The following ARMCX4 variants were observed in gnomAD, a reference collection of about 807,000 sequenced individuals.
ARMCX4 encodes the protein armadillo repeat-containing X-linked protein 4.
Under a neutral mutation model 34.7 loss-of-function variants are expected in ARMCX4, and 3 were observed. The ratio of observed to expected loss-of-function variants is 0.09; its 90% CI spans 0.04 to 0.22. ARMCX4 has a LOEUF of 0.22. Among genes scored for constraint, ARMCX4 ranks in the 10% least tolerant of loss-of-function variants. The pLI is 1.00. For missense variants in ARMCX4, 1,448 were observed against 1,720.8 expected (o/e 0.84, Z 2.81); for synonymous variants, 513 against 632.8 (o/e 0.81, Z 2.84).
At chrX:101,440,241 A>G (rs1243517450) in intron 2 of ARMCX4, among the ~76,000 whole-genome samples, 1 of 111,755 alleles carries the variant, frequency 8.9e-6, no homozygotes, top group African/African-American at 3.3e-5. Context: ...CTGGAGGTCC[A>G]CTCCAGACCC....
At chrX:101,532,991 G>A (rs1556022540) in intron 12 of ARMCX4, 1 of 109,762 alleles carries the variant, frequency 9.1e-6, no homozygotes, top group African/African-American at 3.3e-5. Context: ...GAAAGGAGTG[G>A]GCCATGGTGG....
intron 2 of ARMCX4, chrX:101,443,834 A>G (rs1006467143): frequency 4.7e-5 from 17 of 359,766 alleles, no homozygotes; most frequent in South Asian, 4.5e-4. Context: ...GGCAGTGCAG[A>G]TGAAAAACTA....
chrX:101,448,828 T>C (rs1313933658), downstream of ARMCX4, among the ~76,000 whole-genome samples: 1 of 110,364 alleles, frequency 9.1e-6, no homozygotes, highest in African/African-American at 3.3e-5. Flanking sequence ...CCTGACCTCG[T>C]GATCTGCCCA....
chrX:101,434,482 G>A (rs896615491), intron 2 of ARMCX4, among the ~76,000 whole-genome samples: 17 of 110,277 alleles, frequency 1.5e-4, no homozygotes, highest in Middle Eastern at 4.7e-3. Context: ...TCCTGACCTC[G>A]TGATCCGCCT....
At chrX:101,515,705 A>AT (rs1156867831) in intron 11 of ARMCX4, among the ~76,000 whole-genome samples, 3 of 105,538 alleles carry the variant, frequency 2.8e-5, no homozygotes, top group African/African-American at 1.0e-4. Flanking sequence ...CACCCAGCTA[A>AT]TTTTTTTGGT....
intron 2 of ARMCX4, among the ~76,000 whole-genome samples, chrX:101,433,030 A>G (rs1483016657): frequency 2.5e-5 from 2 of 81,225 alleles, no homozygotes; most frequent in Admixed American, 1.2e-4. Context: ...GTATACATAC[A>G]CGTGTATATA....
At chrX:101,436,436 C>T (rs782112321) in intron 2 of ARMCX4, among the ~76,000 whole-genome samples, 5 of 109,879 alleles carry the variant, frequency 4.6e-5, no homozygotes, top group African/African-American at 6.6e-5. Context: ...CATGATTTGG[C>T]TCTCTGTTTG....
At chrX:101,504,902 G>A (rs1934411960) in intron 7 of ARMCX4, 1 of 111,676 alleles carries the variant, frequency 9.0e-6, no homozygotes, top group Admixed American at 9.5e-5. Context: ...AATGGGGAGG[G>A]ATATTAACAT....
intron 11 of ARMCX4, among the ~76,000 whole-genome samples, chrX:101,523,679 G>A (rs1651005333): frequency 4.5e-5 from 5 of 111,663 alleles, no homozygotes; most frequent in Admixed American, 2.9e-4. Context: ...GTGTGGGCAG[G>A]TGGTTCAGTA....
At chrX:101,443,949 T>G (rs1931472019) in intron 2 of ARMCX4, 2 of 380,139 alleles carry the variant, frequency 5.3e-6, no homozygotes, top group Non-Finnish European at 1.0e-5. Flanking sequence ...TAGTTGGAAT[T>G]GCCATCAACT....
chrX:101,519,612 A>T (rs1304172421), intron 11 of ARMCX4, among the ~76,000 whole-genome samples: 1 of 111,910 alleles, frequency 8.9e-6, no homozygotes, highest in East Asian at 2.8e-4. Context: ...GACTACTGTG[A>T]ATAATGCTGC....
rs1449148334 is a variant in ARMCX4 at position 101,494,224 on chromosome X, G to C, written c.5635G>C (p.Ala1879Pro). 1.3e-5 allele frequency: 15 copies of C among 1,150,552 alleles called. No individual in the cohort carries two copies. Among genetic ancestry groups the C allele is most frequent in the Non-Finnish European group, 1.7e-5 (15 of 870,220 alleles). The allele number at this position is 1,150,552 out of a possible 1,213,427, so 94.8% of individuals were successfully genotyped here. Residue 1879 changes from alanine to proline, a missense_variant, in exon 6 of 6, where the codon GCT (alanine) becomes CCT (proline). This residue lies in a region of ARMCX4 where 1,343 missense variants were observed against 1,540.7 expected (regional missense o/e 0.87). Transcript: ENST00000423738. ...EEAGVESWTL[A>P]RNVGEDELSR... ...GGCTGGTGTAGAGTCCTGGACCTTGGCTAGGAATGTGGGAGAGGATGAGCT... is the reference window on the plus strand; with the variant it reads ...GGCTGGTGTAGAGTCCTGGACCTTGCCTAGGAATGTGGGAGAGGATGAGCT...
At chrX:101,464,049 C>T (rs369499493) in intron 4 of ARMCX4, among the ~76,000 whole-genome samples, 6 of 110,154 alleles carry the variant, frequency 5.4e-5, no homozygotes, top group Admixed American at 9.6e-5. Context: ...TGAGCCACCG[C>T]GCCCAGCCTA....
At chrX:101,480,347 C>A (rs1933395121) in intron 4 of ARMCX4, among the ~76,000 whole-genome samples, 1 of 110,676 alleles carries the variant, frequency 9.0e-6, no homozygotes, top group Non-Finnish European at 1.9e-5. Flanking sequence ...GTGGGAGGAT[C>A]TTTTGAGACC....
At chrX:101,435,850 C>G (rs1196533967) in intron 2 of ARMCX4, among the ~76,000 whole-genome samples, 1 of 110,926 alleles carries the variant, frequency 9.0e-6, no homozygotes, top group Non-Finnish European at 1.9e-5. Flanking sequence ...CCAGTTTCAG[C>G]TTTCTACATA....
chrX:101,420,202 T>TA (rs1417061817), intron 2 of ARMCX4, among the ~76,000 whole-genome samples: 2 of 110,962 alleles, frequency 1.8e-5, no homozygotes, highest in African/African-American at 6.6e-5. Flanking sequence ...CTACTAGAAA[T>TA]ACAAAAATTA....
At chrX:101,515,395 C>CTTTTTCTTTCTTTCTTTCTTTTTCTT (rs1556017495) in intron 11 of ARMCX4, among the ~76,000 whole-genome samples, 1 of 2,104 alleles carries the variant, frequency 4.8e-4, no homozygotes, top group Non-Finnish European at 8.5e-4. Context: ...CTTTCTTTCC[C>CTTTTTCTTTCTTTCTTTCTTTTTCTT]TCCCTCCCTC....
intron 4 of ARMCX4, among the ~76,000 whole-genome samples, chrX:101,462,658 TAAA>T (rs1482904045): frequency 1.9e-5 from 2 of 104,126 alleles, no homozygotes; most frequent in East Asian, 6.1e-4. Flanking sequence ...AAAAAAAAGA[TAAA>T]AATTTGTAAA....
At chrX:101,527,676 A>G (rs1286474082) in intron 11 of ARMCX4, among the ~76,000 whole-genome samples, 1 of 111,794 alleles carries the variant, frequency 8.9e-6, no homozygotes, top group Non-Finnish European at 1.9e-5. Context: ...AGAAATACAA[A>G]CTATCATCAG....
Sources: gnomAD v4.1 joint callset for allele counts (sites outside exome capture counted in the v4.1 genomes callset) on GRCh38, gnomAD v4.1.1 for gene constraint, gnomAD v4.1.1 regional missense constraint, MANE v1.5 for transcripts, NCBI Gene and HGNC (gene_info 2026-07-23, HGNC 2026-07-21) for gene names.